The following S100PBP variants were observed in gnomAD, a reference collection of about 807,000 sequenced individuals.
S100PBP encodes the protein S100P binding protein.
Under a neutral mutation model 39.9 loss-of-function variants are expected in S100PBP, and 15 were observed. The ratio of observed to expected loss-of-function variants is 0.38; its 90% confidence interval spans 0.25 to 0.58. The LOEUF (loss-of-function observed/expected upper bound fraction) is 0.58. Ranked by LOEUF, S100PBP falls within the 20% of genes least tolerant of loss-of-function variation. The probability of loss-of-function intolerance (pLI) is 0.70; values close to 1 mark genes in which losing one functional copy is unlikely to be tolerated. For synonymous variants in S100PBP, 178 were observed against 180.3 expected (o/e 0.99, Z 0.10); for missense variants, 504 against 487.3 (o/e 1.03, Z -0.32).
At chr1:32,847,343 T>C (rs982185308) in intron 5 of S100PBP, 4 of 152,200 alleles carry the variant, frequency 2.6e-5, no homozygotes, top group African/African-American at 4.8e-5. Flanking sequence ...ATTATAGACT[T>C]ATAAGAAGTT....
Position 32,828,049 on chromosome 1 carries a change from C to G in S100PBP, c.888C>G (p.Gly296=). 6.2e-7 allele frequency: 1 copy of G among 1,608,612 alleles called. No individual in the cohort carries two copies. The highest frequency in any genetic ancestry group is 8.5e-7 in the Non-Finnish European group (1 of 1,175,452). ...TGAAAGGCCATGAGAGAAGACTAGG[C>G]AAAGTCATTCCTGTTCTACAAACTA... is the stretch of plus-strand genomic sequence containing the variant. ...GKMKGHERRL[G]KVIPVLQTKT... Residue 296 remains glycine, a synonymous_variant, in exon 4 of 7, where the codon GGC becomes GGG. Transcript: ENST00000373475.
intron 5 of S100PBP, chr1:32,846,778 ATCTT>A (rs1475775798): frequency 2.7e-5 from 4 of 150,784 alleles, no homozygotes; most frequent in African/African-American, 7.3e-5. Flanking sequence ...ACAGTAAATT[ATCTT>A]TCTTTTTTTT....
intron 1 of S100PBP, among the ~76,000 whole-genome samples, chr1:32,820,343 A>G (rs1052713395): frequency 5.9e-5 from 9 of 151,870 alleles, no homozygotes; most frequent in Non-Finnish European, 1.2e-4. Context: ...ACAGGGTTTC[A>G]CCATGTTGGC....
In S100PBP at chr1:32,858,310, T is replaced by C. The variant is rs984285647; in HGVS notation, c.*2272T>C. 1 of 152,664 alleles carries C rather than the reference T, an allele frequency of 6.6e-6. No individual in the cohort carries two copies. Among genetic ancestry groups the C allele is most frequent in the Non-Finnish European group, 1.5e-5 (1 of 68,044 alleles). 9.5% of individuals were successfully genotyped at this position (152,664 alleles called of 1,614,324 possible). On this transcript the variant is annotated 3_prime_UTR_variant, in exon 7 of 7. Coordinates refer to ENST00000373475, the MANE Select transcript of S100PBP (RefSeq NM_022753.4). The stretch of plus-strand genomic sequence containing the variant: ...ACAGGTTAACTAGAAAATGTGACAA[T>C]CACATTTCCTCTTAGCTCAAATAAT...
At chr1:32,839,275 T>C (rs1018599312) in intron 5 of S100PBP, among the ~76,000 whole-genome samples, 2 of 152,238 alleles carry the variant, frequency 1.3e-5, no homozygotes, top group African/African-American at 2.4e-5. Context: ...CTTAGCACAA[T>C]GTCCTCAAGA....
chr1:32,828,161 A>C, intron 4 of S100PBP, 80 bp downstream of exon 4: 1 of 919,132 alleles, frequency 1.1e-6, no homozygotes, highest in Non-Finnish European at 1.7e-6. Context: ...GTTTCCTCTT[A>C]GTGCAGGGAA....
chr1:32,834,641 T>C (rs530890378), intron 5 of S100PBP, among the ~76,000 whole-genome samples: 67 of 152,324 alleles, frequency 4.4e-4, no homozygotes, highest in Non-Finnish European at 5.6e-4. Context: ...CAAATAGTAA[T>C]ACTAAGTTTG....
intron 5 of S100PBP, among the ~76,000 whole-genome samples, chr1:32,838,695 T>A (rs2148667060): frequency 6.6e-6 from 1 of 151,976 alleles, no homozygotes; most frequent in East Asian, 1.9e-4. Context: ...ATACAAAAAT[T>A]AACCAGGCGT....
At chr1:32,829,083 T>G (rs1157578352) in intron 4 of S100PBP, among the ~76,000 whole-genome samples, 1 of 152,264 alleles carries the variant, frequency 6.6e-6, no homozygotes, top group Non-Finnish European at 1.5e-5. Context: ...TGGTTTTTTA[T>G]TTTGTTTGCA....
chr1:32,831,509 G>A (rs1385833984), intron 5 of S100PBP, among the ~76,000 whole-genome samples: 1 of 152,010 alleles, frequency 6.6e-6, no homozygotes, highest in African/African-American at 2.4e-5. Flanking sequence ...TTATGTAGTA[G>A]TTTTTCTTGT....
rs1640893409 is a variant in S100PBP at position 32,858,313 on chromosome 1, C to CA, written c.*2276dup. On this transcript the variant is annotated 3_prime_UTR_variant, in exon 7 of 7. Transcript: ENST00000373475. ...GGTTAACTAGAAAATGTGACAATCA[C>CA]ATTTCCTCTTAGCTCAAATAATTCT... 1 of 152,670 alleles carries CA rather than the reference C, an allele frequency of 6.6e-6. No individual in the cohort carries two copies. Among genetic ancestry groups the CA allele is most frequent in the East Asian group, 1.9e-4 (1 of 5,204 alleles). 9.5% of individuals were successfully genotyped at this position (152,670 alleles called of 1,614,324 possible). A position where few individuals can be genotyped will look rare whatever the true frequency, so the allele number is the denominator to read the frequency against.
At chr1:32,835,205 G>A (rs1172269419) in intron 5 of S100PBP, 3 of 152,086 alleles carry the variant, frequency 2.0e-5, no homozygotes, top group South Asian at 4.1e-4. Flanking sequence ...GCATTCTTTT[G>A]TAAAGATTTT....
chr1:32,827,006 C>G, intron 3 of S100PBP, 76 bp downstream of exon 3: 1 of 944,850 alleles, frequency 1.1e-6, no homozygotes, highest in Non-Finnish European at 1.6e-6. Context: ...TTTCCATATA[C>G]CTGCTATCTC....
chr1:32,837,694 G>C (rs2148665002), intron 5 of S100PBP, among the ~76,000 whole-genome samples: 1 of 151,482 alleles, frequency 6.6e-6, no homozygotes, highest in Middle Eastern at 3.4e-3. Context: ...CTGATCTAGT[G>C]TCTACTGCAG....
At chr1:32,822,706 A>G (rs139848925) in intron 1 of S100PBP, among the ~76,000 whole-genome samples, 9 of 151,822 alleles carry the variant, frequency 5.9e-5, no homozygotes, top group South Asian at 2.1e-4. Context: ...CCTCCTCTCT[A>G]TATATACCAT....
At chr1:32,831,673 G>GA (rs1322909077) in intron 5 of S100PBP, among the ~76,000 whole-genome samples, 1 of 151,772 alleles carries the variant, frequency 6.6e-6, no homozygotes, top group Admixed American at 6.6e-5. Context: ...AACTATTTTA[G>GA]GTCTGATAGA....
At chr1:32,850,105 T>G (rs1048440021) in intron 5 of S100PBP, among the ~76,000 whole-genome samples, 2 of 152,224 alleles carry the variant, frequency 1.3e-5, no homozygotes, top group Admixed American at 1.3e-4. Context: ...TTCTCATCAT[T>G]TAATGTGAAT....
chr1:32,846,358 T>C (rs77335697), intron 5 of S100PBP, among the ~76,000 whole-genome samples: 1 of 136,084 alleles, frequency 7.3e-6, no homozygotes, highest in African/African-American at 2.9e-5. Context: ...TGGGTCTTGC[T>C]TTTTTTTTTT....
At chr1:32,851,628 T>C (rs1640613970) in intron 5 of S100PBP, among the ~76,000 whole-genome samples, 1 of 151,788 alleles carries the variant, frequency 6.6e-6, no homozygotes, top group African/African-American at 2.4e-5. Context: ...ATCACACCAC[T>C]GCACTCCAGC....
Sources: allele counts gnomAD v4.1 joint callset (sites outside exome capture counted in the v4.1 genomes callset), GRCh38; gene constraint gnomAD v4.1.1; transcripts MANE v1.5; gene names NCBI Gene and HGNC (gene_info 2026-07-23, HGNC 2026-07-21).